Variants in DCAF8L2 observed in about 807,000 individuals in gnomAD.
DCAF8L2 encodes the protein DDB1 and CUL4 associated factor 8 like 2, also known as DDB1- and CUL4-associated factor 8-like protein 2.
For synonymous variants in DCAF8L2, 200 were observed against 190.9 expected, an observed-to-expected ratio of 1.05 and a Z score of -0.39; for missense variants, 430 against 490.7, an observed-to-expected ratio of 0.88 and a Z score of 1.17.
At chrX:27,664,176 T>C (rs1476508832) in intron 2 of DCAF8L2, among the ~76,000 whole-genome samples, 3 of 111,149 alleles carry the variant, frequency 2.7e-5, no homozygotes, top group Non-Finnish European at 5.7e-5. Flanking sequence ...TGCCAAATAG[T>C]TAGACAAGTT....
At chrX:27,614,055 G>T (rs999759959) in intron 1 of DCAF8L2, among the ~76,000 whole-genome samples, 1 of 111,403 alleles carries the variant, frequency 9.0e-6, no homozygotes, top group African/African-American at 3.3e-5. Context: ...ACCTCTGGTA[G>T]AATTCGGCTG....
At chrX:27,503,013 A>G in the DCAF8L2 span, among the ~76,000 whole-genome samples, 2 of 111,806 alleles carry the variant, frequency 1.8e-5, no homozygotes, top group Non-Finnish European at 3.8e-5. Flanking sequence ...GAGAAAGAAG[A>G]GGGTTGTGCT....
chrX:27,606,305 T>TTATATATATATAGGAATTA lies in DCAF8L2; in HGVS notation c.-342+15894_-342+15912dup, dbSNP rs1439118171. 8.1e-5 allele frequency among the ~76,000 whole-genome samples: 6 copies of TTATATATATATAGGAATTA among 73,679 alleles called. No homozygotes were observed. The East Asian group carries it at 1.9e-3, about 24-fold the overall frequency. The allele number at this position is 73,679 out of a possible 115,157, so 64.0% of individuals were successfully genotyped here. A position where few individuals can be genotyped will look rare whatever the true frequency, so the allele number is the denominator to read the frequency against. ...TATATAGGAATTATATATATATGAA[T>TTATATATATATAGGAATTA]TATATATATATAGGAATTATATATA... On this transcript the variant is annotated intron_variant, in intron 1 of 4. Coordinates refer to ENST00000451261, the MANE Select transcript of DCAF8L2 (RefSeq NM_001353450.2).
At chrX:27,736,879 C>T (rs994917763) in intron 4 of DCAF8L2, among the ~76,000 whole-genome samples, 42 of 110,825 alleles carry the variant, frequency 3.8e-4, no homozygotes, top group African/African-American at 1.4e-3. Context: ...AATGTACAGT[C>T]GAATTTTCCA....
chrX:27,568,946 AACACACAC>A, the DCAF8L2 span, among the ~76,000 whole-genome samples: 6,960 of 86,374 alleles, frequency 0.081, 329 homozygotes, highest in East Asian at 0.17. Context: ...TTGGAACTCA[AACACACAC>A]ACACACACAC....
chrX:27,548,272 G>T, the DCAF8L2 span, among the ~76,000 whole-genome samples: 3 of 110,997 alleles, frequency 2.7e-5, no homozygotes, highest in South Asian at 1.1e-3. Context: ...AATATTCAGG[G>T]TCTACCAATG....
At chrX:27,633,261 T>C (rs1269935633) in intron 2 of DCAF8L2, 1 of 112,146 alleles carries the variant, frequency 8.9e-6, no homozygotes, top group Non-Finnish European at 1.9e-5. Flanking sequence ...GTTGAGATAA[T>C]GATATTGGAG....
At chrX:27,727,315 T>C (rs775233762) in intron 4 of DCAF8L2, among the ~76,000 whole-genome samples, 19 of 111,830 alleles carry the variant, frequency 1.7e-4, no homozygotes, top group African/African-American at 6.2e-4. Context: ...TCTTAAATGG[T>C]ATCATTTGAT....
the DCAF8L2 span, among the ~76,000 whole-genome samples, chrX:27,497,549 C>CT: frequency 0.016 from 1,053 of 64,338 alleles, 14 homozygotes; most frequent in African/African-American, 0.033. Flanking sequence ...TCCTTCCTTC[C>CT]TTCTTTCTTT....
chrX:27,503,804 G>T, the DCAF8L2 span, among the ~76,000 whole-genome samples: 2 of 111,323 alleles, frequency 1.8e-5, no homozygotes, highest in Admixed American at 9.6e-5. Flanking sequence ...ATGTGCTTGT[G>T]GGTTATCTAC....
Position 27,666,162 on chromosome X carries a change from G to C in DCAF8L2, c.-219-11674G>C, listed in dbSNP as rs983251826. ...CTCTTAAAACAAATATTAAAATTGT[G>C]TATGTTTACAATATTACTTACTTAT... On this transcript the variant is annotated intron_variant, in intron 2 of 4. Coordinates refer to ENST00000451261, the MANE Select transcript of DCAF8L2 (RefSeq NM_001353450.2). Among the ~76,000 whole-genome samples the C allele has an allele frequency of 3.6e-5, 4 of 111,933 alleles. No individual in the cohort carries two copies. In the East Asian group the frequency reaches 8.3e-4, roughly 23 times the overall value.
chrX:27,546,860 G>A, the DCAF8L2 span, among the ~76,000 whole-genome samples: 18 of 112,299 alleles, frequency 1.6e-4, no homozygotes, highest in African/African-American at 5.5e-4. Flanking sequence ...CTTTACCTGT[G>A]ATGGGAGGGG....
At chrX:27,475,757 A>G in the DCAF8L2 span, among the ~76,000 whole-genome samples, 1 of 112,564 alleles carries the variant, frequency 8.9e-6, no homozygotes, top group East Asian at 2.8e-4. Context: ...AATTAATTGC[A>G]GTAGTGTTTA....
intron 2 of DCAF8L2, among the ~76,000 whole-genome samples, chrX:27,639,569 C>T (rs773233167): frequency 9.0e-6 from 1 of 111,668 alleles, no homozygotes; most frequent in Non-Finnish European, 1.9e-5. Flanking sequence ...AATATATACA[C>T]CTACTAAGTA....
intron 3 of DCAF8L2, among the ~76,000 whole-genome samples, chrX:27,701,087 C>G (rs959135768): frequency 9.0e-6 from 1 of 111,108 alleles, no homozygotes; most frequent in Non-Finnish European, 1.9e-5. Flanking sequence ...CATGATAGTT[C>G]CAAACTAAAA....
In DCAF8L2 at chrX:27,748,249, T is replaced by C. The variant is rs1029038901; in HGVS notation, c.1354T>C (p.Ser452Pro). Residue 452 changes from serine to proline, a missense_variant, in exon 5 of 5, where the codon TCT (serine) becomes CCT (proline). Ser to Pro is a moderately conservative substitution (Grantham distance 74, BLOSUM62 -1). Transcript: ENST00000451261. The part of the protein sequence containing the change: ...NDDDIYLFNS[S>P]HSDGAQYSKR... ...TGACGATATTTACCTCTTCAACTCC[T>C]CTCACAGTGATGGTGCTCAATACAG... 6.6e-6 allele frequency: 8 copies of C among 1,210,244 alleles called. No individual in the cohort carries two copies. In the African/African-American group the frequency reaches 1.0e-4, roughly 16 times the overall value.
chrX:27,676,776 G>A (rs190723141), intron 2 of DCAF8L2, among the ~76,000 whole-genome samples: 1 of 111,654 alleles, frequency 9.0e-6, no homozygotes, highest in African/African-American at 3.2e-5. Context: ...TTCATGTATC[G>A]ATTTCGTGCA....
At chrX:27,681,204 TACAC>T (rs750698716) in intron 3 of DCAF8L2, among the ~76,000 whole-genome samples, 5 of 106,677 alleles carry the variant, frequency 4.7e-5, no homozygotes, top group African/African-American at 6.9e-5. Context: ...AGAAATTAAA[TACAC>T]ACACACACAC....
chrX:27,498,253 A>G, the DCAF8L2 span, among the ~76,000 whole-genome samples: 1 of 112,216 alleles, frequency 8.9e-6, no homozygotes, highest in African/African-American at 3.2e-5. Context: ...AAGCACCAGA[A>G]CGTTTTCCAT....
Sources: allele counts gnomAD v4.1 joint callset (sites outside exome capture counted in the v4.1 genomes callset), GRCh38; gene constraint gnomAD v4.1.1; transcripts MANE v1.5; gene names NCBI Gene and HGNC (gene_info 2026-07-23, HGNC 2026-07-21).